The following HS1BP3 variants were observed in gnomAD, a reference collection of about 807,000 sequenced individuals.
HS1BP3 encodes HCLS1-binding protein 3.
A neutral mutation model predicts 33.5 loss-of-function variants in HS1BP3; 32 were observed. That is an observed-to-expected ratio of 0.95 (90% CI 0.72 to 1.28). HS1BP3 has a LOEUF of 1.28. Ranked by LOEUF, HS1BP3 falls within the 50% of genes most tolerant of loss-of-function variation. The probability of loss-of-function intolerance (pLI) is 0.00; values close to 1 mark genes in which losing one functional copy is unlikely to be tolerated. For synonymous variants in HS1BP3, 187 were observed against 209.2 expected, an observed-to-expected ratio of 0.89 and a Z score of 0.92; for missense variants, 486 against 502.3, an observed-to-expected ratio of 0.97 and a Z score of 0.31.
At chr2:20,615,321 T>C (rs1694401103), downstream of HS1BP3, among the ~76,000 whole-genome samples, 1 of 152,226 alleles carries the variant, frequency 6.6e-6, no homozygotes, top group Admixed American at 6.5e-5. Context: ...CACAGGATGC[T>C]GTGGGCTGCA....
At chr2:20,612,858 C>T (rs186951119), downstream of HS1BP3, among the ~76,000 whole-genome samples, 9 of 152,270 alleles carry the variant, frequency 5.9e-5, no homozygotes, top group Admixed American at 3.9e-4. Context: ...TTGTGTGGTA[C>T]ATTTATGTTT....
downstream of HS1BP3, among the ~76,000 whole-genome samples, chr2:20,590,433 A>G (rs1004523686): frequency 3.3e-5 from 5 of 152,186 alleles, no homozygotes; most frequent in Admixed American, 2.0e-4. Flanking sequence ...TTCTCTGTAG[A>G]AGGATGATGG....
intron 2 of HS1BP3, among the ~76,000 whole-genome samples, chr2:20,607,870 T>A (rs774222672): frequency 2.0e-5 from 3 of 152,268 alleles, no homozygotes; most frequent in Non-Finnish European, 2.9e-5. Context: ...ATATCAAGTC[T>A]TCTAATCAAT....
At chr2:20,568,917 G>C (rs1470238276) in intron 5 of HS1BP3, among the ~76,000 whole-genome samples, 2 of 152,204 alleles carry the variant, frequency 1.3e-5, no homozygotes, top group Admixed American at 6.5e-5. Flanking sequence ...GATTGCCCTC[G>C]AGGCCGTCTT....
chr2:20,641,246 G>T, intron 2 of HS1BP3, 66 bp from the exon 3 acceptor site: 1 of 1,425,332 alleles, frequency 7.0e-7, no homozygotes, highest in Non-Finnish European at 9.7e-7. Context: ...TTCTCACCCC[G>T]ACCAGGGGTT....
rs562167993 is a variant in HS1BP3, at chr2:20,570,169, G to A, written c.303-9654C>T. 1.6e-4 allele frequency among the ~76,000 whole-genome samples: 17 copies of A among 108,554 alleles called. No homozygotes were observed. The South Asian group carries it at 6.5e-3, about 41-fold the overall frequency. 71.2% of individuals were successfully genotyped at this position (108,554 alleles called of 152,430 possible). A position where few individuals can be genotyped will look rare whatever the true frequency, so the allele number is the denominator to read the frequency against. On this transcript the variant is annotated intron_variant, in intron 5 of 5. Transcript: ENST00000446825. Reference sequence around the variant, plus strand: ...CTCAGCACCCTCTTCTCATGGAAACGTTTGAAAAGAGAGTTTTTTTTCCCC... The same window carrying A: ...CTCAGCACCCTCTTCTCATGGAAACATTTGAAAAGAGAGTTTTTTTTCCCC...
chr2:20,554,552 G>A, the HS1BP3 span, among the ~76,000 whole-genome samples: 50,922 of 151,898 alleles, frequency 0.34, 9,028 homozygotes, highest in East Asian at 0.4. Flanking sequence ...GTGAAAACCC[G>A]TTTCTACTAA....
At chr2:20,613,705 C>A (rs1259080665), downstream of HS1BP3, among the ~76,000 whole-genome samples, 1 of 152,152 alleles carries the variant, frequency 6.6e-6, no homozygotes. Context: ...GGTGTCTACA[C>A]ACACAACTGC....
At chr2:20,616,842 C>G (rs962116684), downstream of HS1BP3, among the ~76,000 whole-genome samples, 5 of 152,190 alleles carry the variant, frequency 3.3e-5, no homozygotes, top group Non-Finnish European at 7.3e-5. Flanking sequence ...GAATGGGTCA[C>G]AGGCACAGGC....
chr2:20,604,371 C>T (rs1381759890), intron 2 of HS1BP3, among the ~76,000 whole-genome samples: 2 of 152,172 alleles, frequency 1.3e-5, no homozygotes, highest in Non-Finnish European at 2.9e-5. Flanking sequence ...AAGACTGCCC[C>T]GGGACAGCCT....
downstream of HS1BP3, among the ~76,000 whole-genome samples, chr2:20,555,886 C>T (rs1029372251): frequency 2.0e-5 from 3 of 152,206 alleles, no homozygotes; most frequent in Non-Finnish European, 4.4e-5. Flanking sequence ...TCCCCTTCCC[C>T]ACTTCACCTC....
chr2:20,628,794 T>C (rs1480832656), intron 4 of HS1BP3, among the ~76,000 whole-genome samples: 1 of 152,126 alleles, frequency 6.6e-6, no homozygotes, highest in Non-Finnish European at 1.5e-5. Context: ...TGGAGTTAAA[T>C]AGCATCTTGG....
chr2:20,595,829 A>G lies in HS1BP3; in HGVS notation c.*12+2379T>C, dbSNP rs2033642. On this transcript the variant is annotated intron_variant, in intron 3 of 3. Coordinates refer to the HS1BP3 transcript ENST00000415264. ...TCCATCCATCACGGCCCATCAGGGG[A>G]GCAGGCCTCTTGGGGCCCCTGACAC... Among the ~76,000 whole-genome samples the G allele has an allele frequency of 4.3e-3, 660 of 152,288 alleles. 7 individuals carry two copies. The highest frequency in any genetic ancestry group is 7.1e-3 in the Non-Finnish European group (480 of 68,004).
At chr2:20,637,574 T>C (rs1186459907) in intron 4 of HS1BP3, 1 of 152,306 alleles carries the variant, frequency 6.6e-6, no homozygotes, top group East Asian at 1.9e-4. Context: ...TGGACGCTGG[T>C]CTCATGGCCA....
intron 2 of HS1BP3, among the ~76,000 whole-genome samples, chr2:20,643,450 T>C (rs986863239): frequency 6.6e-6 from 1 of 152,164 alleles, no homozygotes; most frequent in African/African-American, 2.4e-5. Flanking sequence ...CTGGATCAAG[T>C]CAAATTACCA....
At chr2:20,645,652 C>G in intron 1 of HS1BP3, 147 bp from the exon 2 acceptor site, 1 of 769,822 alleles carries the variant, frequency 1.3e-6, no homozygotes, top group South Asian at 1.9e-5. Context: ...CTCCAGGCCA[C>G]CCATCCCGCC....
intron 4 of HS1BP3, among the ~76,000 whole-genome samples, chr2:20,628,528 G>C (rs554720575): frequency 6.6e-6 from 1 of 152,008 alleles, no homozygotes; most frequent in Non-Finnish European, 1.5e-5. Context: ...CCAGCTACTC[G>C]GGAGGCTGAG....
intron 4 of HS1BP3, chr2:20,634,648 G>A (rs1384361369): frequency 6.6e-6 from 1 of 152,242 alleles, no homozygotes; most frequent in African/African-American, 2.4e-5. Flanking sequence ...TCTTGGGTTA[G>A]CAAATCTGGG....
In HS1BP3 at chr2:20,566,530, T is replaced by C. The variant is rs1693131942; in HGVS notation, c.303-6015A>G. ...ACTCTGGCCACCTGCACTCTGGCTCTAGCTCTAGGCACTTCTCTCTTGGCT... is the reference window on the plus strand; with the variant it reads ...ACTCTGGCCACCTGCACTCTGGCTCCAGCTCTAGGCACTTCTCTCTTGGCT... On this transcript the variant is annotated intron_variant, in intron 5 of 5. Coordinates refer to the HS1BP3 transcript ENST00000446825. 2.0e-5 allele frequency among the ~76,000 whole-genome samples: 3 copies of C among 152,108 alleles called. No homozygotes were observed. The South Asian group carries it at 6.2e-4, about 32-fold the overall frequency.
Sources: allele counts gnomAD v4.1 joint callset (sites outside exome capture counted in the v4.1 genomes callset), GRCh38; gene constraint gnomAD v4.1.1; transcripts MANE v1.5; gene names NCBI Gene and HGNC (gene_info 2026-07-23, HGNC 2026-07-21).